SMOC1: variants seen among roughly 807,000 people sequenced by gnomAD.
The protein encoded by SMOC1 is SPARC related modular calcium binding 1.
SMOC1 carries 22 observed loss-of-function variants against 56.3 expected under a neutral mutation model. That is an observed-to-expected ratio of 0.39 (90% confidence interval 0.28 to 0.56). The LOEUF (loss-of-function observed/expected upper bound fraction) is 0.56. Ranked by LOEUF, SMOC1 falls within the 20% of genes least tolerant of loss-of-function variation. SMOC1 has a pLI of 0.61. For missense variants in SMOC1, 509 were observed against 565.4 expected (o/e 0.90, Z 1.01); for synonymous variants, 193 against 215.0 (o/e 0.90, Z 0.89).
intron 1 of SMOC1, among the ~76,000 whole-genome samples, chr14:69,930,213 C>CCTTCCCCCT (rs1885128719): frequency 7.6e-6 from 1 of 130,788 alleles, no homozygotes; most frequent in African/African-American, 3.9e-5. Context: ...CCCTTCTCAC[C>CCTTCCCCCT]CCCCTGACAG....
At chr14:69,996,329 CTA>C (rs1200986516) in intron 7 of SMOC1, among the ~76,000 whole-genome samples, 1 of 152,142 alleles carries the variant, frequency 6.6e-6, no homozygotes, top group Non-Finnish European at 1.5e-5. Flanking sequence ...TATGAGATAG[CTA>C]TTGTTCTTGT....
intron 10 of SMOC1, among the ~76,000 whole-genome samples, chr14:70,018,656 CAG>C (rs924558416): frequency 6.6e-6 from 1 of 152,204 alleles, no homozygotes; most frequent in Non-Finnish European, 1.5e-5. Context: ...TCTCAGCCGG[CAG>C]AGTCTTCTAG....
intron 1 of SMOC1, 138 bp downstream of exon 1, chr14:69,879,915 G>GGA: frequency 1.4e-6 from 1 of 736,558 alleles, no homozygotes; most frequent in Non-Finnish European, 2.1e-6. Context: ...TCCCCTGCGG[G>GGA]CTTGGTGAAG....
chr14:70,011,453 TCCCAACCCCC>T, intron 8 of SMOC1, 22 bp from the exon 9 acceptor site: 3 of 873,918 alleles, frequency 3.4e-6, no homozygotes, highest in Non-Finnish European at 5.4e-6. Flanking sequence ...TGCCAGCCCC[TCCCAACCCCC>T]CCCATATCTC....
intron 1 of SMOC1, among the ~76,000 whole-genome samples, chr14:69,941,357 A>G (rs1277667510): frequency 2.0e-5 from 3 of 152,132 alleles, no homozygotes; most frequent in African/African-American, 7.2e-5. Flanking sequence ...GTAGATGCCT[A>G]GTGTAGCACT....
intron 1 of SMOC1, among the ~76,000 whole-genome samples, chr14:69,915,011 C>T (rs928326167): frequency 6.6e-6 from 1 of 152,066 alleles, no homozygotes; most frequent in Non-Finnish European, 1.5e-5. Context: ...GAATTATAGC[C>T]GCCCACCACC....
chr14:69,963,712 G>T (rs1883467662), intron 3 of SMOC1, among the ~76,000 whole-genome samples: 2 of 152,204 alleles, frequency 1.3e-5, no homozygotes, highest in Admixed American at 6.5e-5. Context: ...TCCTGTGGGA[G>T]GTCAAGGTGG....
chr14:69,921,088 G>C (rs1254394327), intron 1 of SMOC1, among the ~76,000 whole-genome samples: 1 of 152,178 alleles, frequency 6.6e-6, no homozygotes, highest in African/African-American at 2.4e-5. Context: ...GCTTCTCAGA[G>C]CACCTGGGCC....
In SMOC1 at chr14:69,919,387, A is replaced by G. The variant is rs562528874; in HGVS notation, c.100-32751A>G. ...CAGCCTGTGTTGCAGCCAAGGGGGA[A>G]GTTACTCTATTTCCCACATACACCC... On this transcript the variant is annotated intron_variant, in intron 1 of 11. Transcript: ENST00000361956. Among the ~76,000 whole-genome samples, 30 of 152,318 alleles carry G rather than the reference A, an allele frequency of 2.0e-4. 1 individual carries two copies. The highest frequency in any genetic ancestry group is 3.7e-4 in the Non-Finnish European group (25 of 68,026).
At chr14:70,002,725 C>A (rs879556731) in intron 7 of SMOC1, among the ~76,000 whole-genome samples, 1 of 152,222 alleles carries the variant, frequency 6.6e-6, no homozygotes, top group African/African-American at 2.4e-5. Flanking sequence ...TTAGCCCCTC[C>A]TGTGAAAAAG....
chr14:69,980,066 G>T (rs542239391), intron 5 of SMOC1, among the ~76,000 whole-genome samples: 2 of 152,282 alleles, frequency 1.3e-5, no homozygotes, highest in East Asian at 3.9e-4. Flanking sequence ...GCTGGAAGTG[G>T]GGGGGTGAGG....
At chr14:69,912,104 A>C (rs1024836600) in intron 1 of SMOC1, among the ~76,000 whole-genome samples, 4 of 152,162 alleles carry the variant, frequency 2.6e-5, no homozygotes, top group African/African-American at 4.8e-5. Context: ...TTGCATTTCT[A>C]TTTAAATGTT....
intron 1 of SMOC1, among the ~76,000 whole-genome samples, chr14:69,899,080 G>A (rs1222036599): frequency 6.6e-6 from 1 of 152,122 alleles, no homozygotes; most frequent in African/African-American, 2.4e-5. Context: ...GGGTGGGCTG[G>A]AGTTTATTTC....
At chr14:69,907,192 G>A (rs1393766546) in intron 1 of SMOC1, among the ~76,000 whole-genome samples, 1 of 152,062 alleles carries the variant, frequency 6.6e-6, no homozygotes, top group African/African-American at 2.4e-5. Flanking sequence ...ACTAGTCTAG[G>A]GATTAACAAC....
intron 1 of SMOC1, among the ~76,000 whole-genome samples, chr14:69,940,443 T>C (rs1882507951): frequency 6.6e-6 from 1 of 152,200 alleles, no homozygotes; most frequent in Non-Finnish European, 1.5e-5. Context: ...GCTGGTCAGA[T>C]CTCATAGGAG....
At chr14:69,881,677 A>AAC (rs139639708) in intron 1 of SMOC1, among the ~76,000 whole-genome samples, 4,041 of 151,910 alleles carry the variant, frequency 0.027, 139 homozygotes, top group South Asian at 0.19. Context: ...TACATGCACA[A>AAC]ACACACACAC....
chr14:69,898,838 C>T (rs1179164358), intron 1 of SMOC1, among the ~76,000 whole-genome samples: 2 of 151,930 alleles, frequency 1.3e-5, no homozygotes, highest in Non-Finnish European at 2.9e-5. Context: ...TGTTTGTTTG[C>T]CTTCTAGTAT....
intron 1 of SMOC1, among the ~76,000 whole-genome samples, chr14:69,940,996 GT>G (rs1882538933): frequency 2.0e-5 from 3 of 152,200 alleles, no homozygotes; most frequent in Non-Finnish European, 2.9e-5. Context: ...TGAGTAAAAG[GT>G]TTGATGCCCT....
intron 9 of SMOC1, 71 bp from the exon 10 acceptor site, chr14:70,013,315 A>T: frequency 7.4e-7 from 1 of 1,349,850 alleles, no homozygotes; most frequent in Non-Finnish European, 1.1e-6. Context: ...TTAGGAAAGG[A>T]TGGTAGTTGA....
Sources: allele counts gnomAD v4.1 joint callset (sites outside exome capture counted in the v4.1 genomes callset), GRCh38; gene constraint gnomAD v4.1.1; transcripts MANE v1.5; gene names NCBI Gene and HGNC (gene_info 2026-07-23, HGNC 2026-07-21).